Variants in FOXP2 observed in about 807,000 individuals in gnomAD.
FOXP2 encodes forkhead box protein P2.
A neutral mutation model predicts 115.8 loss-of-function variants in FOXP2; 12 were observed. That is an observed-to-expected ratio of 0.10 (90% CI 0.07 to 0.17). The LOEUF is 0.17. Ranked by LOEUF, FOXP2 falls within the 10% of genes least tolerant of loss-of-function variation. The pLI is 1.00. For synonymous variants in FOXP2, 328 were observed against 297.7 expected, an observed-to-expected ratio of 1.10 and a Z score of -1.05; for missense variants, 629 against 843.5, an observed-to-expected ratio of 0.75 and a Z score of 3.15.
intron 1 of FOXP2, among the ~76,000 whole-genome samples, chr7:114,195,260 T>A (rs919836640): frequency 1.3e-5 from 2 of 152,198 alleles, no homozygotes; most frequent in Non-Finnish European, 2.9e-5. Flanking sequence ...GACCAAGAAC[T>A]AGTGACTTGC....
chr7:114,213,832 A>C (rs1258221131), intron 1 of FOXP2, among the ~76,000 whole-genome samples: 1 of 152,198 alleles, frequency 6.6e-6, no homozygotes, highest in African/African-American at 2.4e-5. Flanking sequence ...AAATCTGTTA[A>C]CTTAGCAAAT....
intron 1 of FOXP2, among the ~76,000 whole-genome samples, chr7:114,138,032 A>C (rs1336044573): frequency 1.3e-5 from 2 of 152,206 alleles, no homozygotes; most frequent in Non-Finnish European, 2.9e-5. Context: ...GTAATGCCAG[A>C]AAATAAGGAA....
At chr7:114,088,064 C>G (rs1201136644) in intron 1 of FOXP2, 1 of 152,182 alleles carries the variant, frequency 6.6e-6, no homozygotes, top group African/African-American at 2.4e-5. Flanking sequence ...GCTTTTTAAC[C>G]AACAGATTTA....
intron 1 of FOXP2, among the ~76,000 whole-genome samples, chr7:114,188,907 A>G (rs1020858428): frequency 1.3e-4 from 20 of 152,196 alleles, no homozygotes; most frequent in African/African-American, 4.8e-4. Flanking sequence ...TTATTAATAA[A>G]CTCACTTATT....
At chr7:114,187,815 G>A (rs951156190) in intron 1 of FOXP2, among the ~76,000 whole-genome samples, 1 of 152,082 alleles carries the variant, frequency 6.6e-6, no homozygotes, top group Non-Finnish European at 1.5e-5. Flanking sequence ...CAGTTCTTGA[G>A]GCTCAAAATA....
intron 2 of FOXP2, among the ~76,000 whole-genome samples, chr7:114,529,107 C>G (rs1799015933): frequency 6.6e-6 from 1 of 151,788 alleles, no homozygotes; most frequent in African/African-American, 2.4e-5. Flanking sequence ...GAACATAGAG[C>G]TAGGAATATC....
At chr7:114,578,279 A>G (rs947887653) in intron 3 of FOXP2, among the ~76,000 whole-genome samples, 2 of 151,934 alleles carry the variant, frequency 1.3e-5, no homozygotes, top group Non-Finnish European at 2.9e-5. Context: ...AGATACTGCT[A>G]TTTTGGAAGG....
In FOXP2 at chr7:114,514,138, C is replaced by T. The variant is rs141479453; in HGVS notation, c.169-20479C>T. Among the ~76,000 whole-genome samples, 559 of 151,532 alleles carry T rather than the reference C, an allele frequency of 3.7e-3. 8 individuals are homozygous for T. The highest frequency in any genetic ancestry group is 0.013 in the African/African-American group (533 of 41,290). Reference sequence around the variant, plus strand: ...ACACACGCCATAAATATATACAATACTATGCTGTATGTATACAAAGTTATA... The same window carrying T: ...ACACACGCCATAAATATATACAATATTATGCTGTATGTATACAAAGTTATA... On this transcript the variant is annotated intron_variant, in intron 2 of 16. Transcript: ENST00000350908.
intron 2 of FOXP2, among the ~76,000 whole-genome samples, chr7:114,350,334 C>G (rs755179449): frequency 1.1e-4 from 16 of 152,086 alleles, no homozygotes; most frequent in Non-Finnish European, 2.1e-4. Flanking sequence ...TGTGATGTTC[C>G]CCTCCCTGTG....
chr7:114,272,287 T>C (rs1796083338), intron 1 of FOXP2, among the ~76,000 whole-genome samples: 1 of 151,478 alleles, frequency 6.6e-6, no homozygotes, highest in Non-Finnish European at 1.5e-5. Context: ...GGTTTATTAA[T>C]ATTTTGTTGA....
At position 114,167,823 on chromosome 7, in the gene FOXP2, C is replaced by A. The variant is rs1484377458; in HGVS notation, c.-102+4735C>A. 2.7e-4 allele frequency among the ~76,000 whole-genome samples: 41 copies of A among 151,684 alleles called. 2 individuals carry two copies. Among genetic ancestry groups the A allele is most frequent in the Admixed American group, 2.7e-3 (41 of 15,218 alleles). On this transcript the variant is annotated intron_variant, in intron 1 of 17. Coordinates refer to the FOXP2 transcript ENST00000634411. ...TGGTGGCGGGTGCCTGTAGTCCCAG[C>A]TACTCGGGAGGCTGAGGCAGGAGAA...
At chr7:114,520,483 C>T (rs1449910952) in intron 2 of FOXP2, among the ~76,000 whole-genome samples, 1 of 151,956 alleles carries the variant, frequency 6.6e-6, no homozygotes, top group East Asian at 1.9e-4. Context: ...GCCTCTTTGT[C>T]TACATTTTTA....
chr7:114,389,552 T>C (rs565383072), intron 2 of FOXP2, among the ~76,000 whole-genome samples: 8 of 152,302 alleles, frequency 5.3e-5, no homozygotes, highest in South Asian at 2.1e-4. Flanking sequence ...GACTTTTTTT[T>C]CATAGGAAAC....
At chr7:114,166,313 A>G (rs1792979532) in intron 1 of FOXP2, among the ~76,000 whole-genome samples, 1 of 152,194 alleles carries the variant, frequency 6.6e-6, no homozygotes, top group Non-Finnish European at 1.5e-5. Flanking sequence ...AAGAGAATGA[A>G]AAGATAAGCC....
At chr7:114,140,897 C>T (rs1464251306) in intron 1 of FOXP2, among the ~76,000 whole-genome samples, 1 of 151,892 alleles carries the variant, frequency 6.6e-6, no homozygotes, top group East Asian at 1.9e-4. Context: ...AAGGATGTTT[C>T]AACCAGATGT....
intron 1 of FOXP2, among the ~76,000 whole-genome samples, chr7:114,157,506 A>T (rs1345697697): frequency 6.6e-6 from 1 of 152,152 alleles, no homozygotes; most frequent in Non-Finnish European, 1.5e-5. Context: ...TTGATTCTAG[A>T]ATGTAGAGAT....
intron 1 of FOXP2, among the ~76,000 whole-genome samples, chr7:114,117,019 A>T (rs1791426130): frequency 6.6e-6 from 1 of 152,080 alleles, no homozygotes; most frequent in Non-Finnish European, 1.5e-5. Flanking sequence ...AGCTTATAGC[A>T]AAAGATTCTG....
At chr7:114,229,704 A>C (rs1794826650) in intron 1 of FOXP2, among the ~76,000 whole-genome samples, 1 of 151,706 alleles carries the variant, frequency 6.6e-6, no homozygotes, top group African/African-American at 2.4e-5. Context: ...TAAAAAAAAC[A>C]AAAACACAAC....
At position 114,415,034 on chromosome 7, in the gene FOXP2, A is replaced by G. The variant is rs1318590840; in HGVS notation, c.-337A>G. ...TCACCCCTCACGTTGCACACCAAAG[A>G]CATACCCTAGTGATTAAATGCTGAT... is the stretch of plus-strand genomic sequence containing the variant. On this transcript the variant is annotated 5_prime_UTR_variant, in exon 1 of 17. Coordinates refer to ENST00000350908, the MANE Select transcript of FOXP2 (RefSeq NM_014491.4). The G allele has an allele frequency of 6.6e-6, 3 of 453,840 alleles. No individual in the cohort carries two copies. The highest frequency in any genetic ancestry group is 4.7e-5 in the South Asian group (3 of 64,388). 28.1% of individuals were successfully genotyped at this position (453,840 alleles called of 1,614,324 possible).
Sources: allele counts gnomAD v4.1 joint callset (sites outside exome capture counted in the v4.1 genomes callset), GRCh38; gene constraint gnomAD v4.1.1; transcripts MANE v1.5; gene names NCBI Gene and HGNC (gene_info 2026-07-23, HGNC 2026-07-21).